The following KDM4C variants were observed in gnomAD, a reference collection of about 807,000 sequenced individuals.
KDM4C encodes the protein lysine-specific demethylase 4C.
KDM4C carries 81 observed loss-of-function variants against 129.3 expected under a neutral mutation model. That is an observed-to-expected ratio of 0.63 (90% CI 0.52 to 0.75). The LOEUF (loss-of-function observed/expected upper bound fraction) is 0.75. Ranked by LOEUF, KDM4C falls within the 30% of genes least tolerant of loss-of-function variation. The probability of loss-of-function intolerance (pLI) is 0.00; values close to 1 mark genes in which losing one functional copy is unlikely to be tolerated. For missense variants in KDM4C, 1,457 were observed against 1,304.0 expected, an observed-to-expected ratio of 1.12 and a Z score of -1.81; for synonymous variants, 573 against 456.1, an observed-to-expected ratio of 1.26 and a Z score of -3.26.
At position 6,979,079 on chromosome 9, in the gene KDM4C, T is replaced by A. The variant is rs1278270816; in HGVS notation, c.922-1846T>A. 2.0e-5 allele frequency among the ~76,000 whole-genome samples: 3 copies of A among 152,236 alleles called. No homozygotes were observed. The East Asian group carries it at 5.8e-4, about 29-fold the overall frequency. On this transcript the variant is annotated intron_variant, in intron 8 of 21. Transcript: ENST00000381309. ...TTAAAGTGGGGAGCATCACTTTTGTTCACTGTTTATTTTTCTTTGTGAAGC... is the reference window on the plus strand; with the variant it reads ...TTAAAGTGGGGAGCATCACTTTTGTACACTGTTTATTTTTCTTTGTGAAGC...
At chr9:7,127,979 T>C in intron 18 of KDM4C, 87 bp from the exon 19 acceptor site, 2 of 1,161,606 alleles carry the variant, frequency 1.7e-6, no homozygotes, top group Non-Finnish European at 2.3e-6. Context: ...TAAATGATTG[T>C]TTTTCAAATG....
rs147161681 is a variant in KDM4C, at chr9:6,927,089, T to TTCTTTCTATCTATCTATCTATCTA, written c.921+33860_921+33861insTTCTATCTATCTATCTATCTATCT. 1.3e-4 allele frequency among the ~76,000 whole-genome samples: 19 copies of TTCTTTCTATCTATCTATCTATCTA among 145,200 alleles called. 1 individual carries two copies. The highest frequency in any genetic ancestry group is 4.0e-4 in the East Asian group (2 of 4,976). On this transcript the variant is annotated intron_variant, in intron 8 of 21. Transcript: ENST00000381309. ...AGATTCTATCCTTTCAAAAAAAATTTTCTATCTATCTATCTATCTATCTAT... is the reference window on the plus strand; with the variant it reads ...AGATTCTATCCTTTCAAAAAAAATTTTCTTTCTATCTATCTATCTATCTATCTATCTATCTATCTATCTATCTAT...
intron 9 of KDM4C, 21 bp from the exon 10 acceptor site, chr9:6,984,145 C>T (rs201940268): frequency 1.9e-4 from 294 of 1,523,226 alleles, no homozygotes; most frequent in Non-Finnish European, 2.5e-4. Flanking sequence ...CCGCTCTGAC[C>T]ACTGCTTCTC....
chr9:6,790,630 T>A (rs2130854868), intron 1 of KDM4C, among the ~76,000 whole-genome samples: 1 of 145,340 alleles, frequency 6.9e-6, no homozygotes, highest in African/African-American at 2.6e-5. Flanking sequence ...TTTCTAATTT[T>A]TCTGTCAGGC....
chr9:6,896,594 T>G (rs1278446319), intron 8 of KDM4C, among the ~76,000 whole-genome samples: 2 of 151,618 alleles, frequency 1.3e-5, no homozygotes, highest in East Asian at 1.9e-4. Flanking sequence ...AAAAAGTAGG[T>G]TTTGAAAAGA....
At chr9:6,870,870 T>G (rs1253498347) in intron 5 of KDM4C, among the ~76,000 whole-genome samples, 1 of 152,150 alleles carries the variant, frequency 6.6e-6, no homozygotes, top group East Asian at 1.9e-4. Flanking sequence ...AGGACTGACC[T>G]GCCTGAGCAT....
chr9:6,966,254 C>G (rs1418603185), intron 8 of KDM4C, among the ~76,000 whole-genome samples: 2 of 152,082 alleles, frequency 1.3e-5, no homozygotes, highest in Non-Finnish European at 2.9e-5. Context: ...GGGATCTCGG[C>G]TCACTGCAAG....
chr9:7,078,680 A>G (rs1834193477), intron 17 of KDM4C, among the ~76,000 whole-genome samples: 1 of 152,210 alleles, frequency 6.6e-6, no homozygotes, highest in African/African-American at 2.4e-5. Flanking sequence ...AATTACCTTC[A>G]TCCTTTTCTA....
intron 1 of KDM4C, among the ~76,000 whole-genome samples, chr9:6,738,398 C>T (rs563761366): frequency 6.6e-6 from 1 of 152,262 alleles, no homozygotes; most frequent in Non-Finnish European, 1.5e-5. Context: ...TCGCTTGAAC[C>T]TGGGAGGCGA....
intron 1 of KDM4C, among the ~76,000 whole-genome samples, chr9:6,722,926 T>G (rs1817002759): frequency 6.6e-6 from 1 of 151,934 alleles, no homozygotes; most frequent in Admixed American, 6.6e-5. Context: ...GAGGTTGCAG[T>G]GAGTCGAAAT....
chr9:6,873,039 G>T (rs1842998184), intron 5 of KDM4C, among the ~76,000 whole-genome samples: 1 of 152,086 alleles, frequency 6.6e-6, no homozygotes, highest in Non-Finnish European at 1.5e-5. Flanking sequence ...CAATTGTCCT[G>T]CCTCAGCCTT....
intron 15 of KDM4C, among the ~76,000 whole-genome samples, chr9:7,037,290 T>C (rs544195035): frequency 2.0e-5 from 3 of 152,314 alleles, no homozygotes; most frequent in East Asian, 3.9e-4. Context: ...GTGGCACTTA[T>C]GGATATGCTA....
chr9:6,836,397 T>G (rs1835883427), intron 4 of KDM4C, among the ~76,000 whole-genome samples: 1 of 152,186 alleles, frequency 6.6e-6, no homozygotes, highest in Non-Finnish European at 1.5e-5. Flanking sequence ...TAAATCAGCT[T>G]GTTGAAATCT....
intron 1 of KDM4C, among the ~76,000 whole-genome samples, chr9:6,784,398 T>A (rs1173517499): frequency 6.6e-6 from 1 of 152,100 alleles, no homozygotes; most frequent in African/African-American, 2.4e-5. Context: ...CTGGCTAATT[T>A]TTTTTGTATT....
intron 6 of KDM4C, among the ~76,000 whole-genome samples, chr9:6,881,088 A>C (rs375205885): frequency 3.7e-4 from 56 of 152,328 alleles, no homozygotes; most frequent in Admixed American, 1.5e-3. Context: ...CTATTAGGAA[A>C]AGAATTTTGT....
chr9:6,775,673 C>T (rs1410468780), intron 1 of KDM4C, among the ~76,000 whole-genome samples: 1 of 151,978 alleles, frequency 6.6e-6, no homozygotes, highest in Non-Finnish European at 1.5e-5. Flanking sequence ...CAGACATTGG[C>T]CACCACGCCT....
At chr9:6,873,934 G>C (rs1224011916) in intron 5 of KDM4C, among the ~76,000 whole-genome samples, 2 of 124,562 alleles carry the variant, frequency 1.6e-5, no homozygotes, top group African/African-American at 6.1e-5. Context: ...GAGAGAGTGA[G>C]AGAGAGCGAG....
chr9:6,812,734 A>T (rs1831391161), intron 3 of KDM4C, among the ~76,000 whole-genome samples: 1 of 152,082 alleles, frequency 6.6e-6, no homozygotes, highest in South Asian at 2.1e-4. Context: ...GGAAATAGGG[A>T]TGTACACCTG....
At chr9:6,891,706 A>G (rs1205557843) in intron 7 of KDM4C, among the ~76,000 whole-genome samples, 1 of 152,214 alleles carries the variant, frequency 6.6e-6, no homozygotes, top group East Asian at 1.9e-4. Flanking sequence ...AATACTTTAA[A>G]AAACACTATA....
Sources: allele counts gnomAD v4.1 joint callset (sites outside exome capture counted in the v4.1 genomes callset), GRCh38; gene constraint gnomAD v4.1.1; transcripts MANE v1.5; gene names NCBI Gene and HGNC (gene_info 2026-07-23, HGNC 2026-07-21).